KIF26B: variants seen among roughly 807,000 people sequenced by gnomAD.
The protein encoded by KIF26B is kinesin family member 26B.
KIF26B carries 63 observed loss-of-function variants against 151.2 expected under a neutral mutation model. The observed-to-expected ratio is 0.42, with a 90% CI of 0.34 to 0.51. KIF26B has a LOEUF of 0.51. KIF26B is among the 20% of genes least tolerant of loss of function. The pLI, the probability that KIF26B is intolerant of heterozygous loss-of-function variation, is 0.07. For missense variants in KIF26B, 2,813 were observed against 2,913.6 expected (o/e 0.97, Z 0.79); for synonymous variants, 1,357 against 1,262.1 (o/e 1.08, Z -1.59).
In KIF26B at chr1:245,367,333, C is replaced by A; in HGVS notation, c.965C>A (p.Ser322Ter). ...TACCTGGATGGCACCTGGTCCCTGTCGAGAACCAACGGGGTCACCCTGTAC... is the reference window on the plus strand; with the variant it reads ...TACCTGGATGGCACCTGGTCCCTGTAGAGAACCAACGGGGTCACCCTGTAC... ...HQYLDGTWSL[S>*]RTNGVTLYPY... Residue 322 changes from serine (S) to a stop codon, truncating the protein, a stop_gained, in exon 3 of 15, where the codon TCG becomes TAG. Coordinates refer to ENST00000407071, the MANE Select transcript of KIF26B (RefSeq NM_018012.4). LOFTEE classifies it high-confidence loss of function. The surrounding 1 kb of genome is among the most constrained non-coding windows in gnomAD (Gnocchi z 4.2). 6.3e-7 allele frequency: 1 copy of A among 1,594,100 alleles called. No homozygotes were observed. The highest frequency in any genetic ancestry group is 1.3e-5 in the African/African-American group (1 of 74,640).
rs571335218 is a variant in KIF26B at position 245,553,780 on chromosome 1, T to C, written c.1350+12830T>C. Reference sequence around the variant, plus strand: ...GGAGCTGATGGGCTGGTTAGTCCCATCCCAGATTATATGGAGGCACCCGGG... The same window carrying C: ...GGAGCTGATGGGCTGGTTAGTCCCACCCCAGATTATATGGAGGCACCCGGG... On this transcript the variant is annotated intron_variant, in intron 5 of 14. Coordinates refer to ENST00000407071, the MANE Select transcript of KIF26B (RefSeq NM_018012.4). Among the ~76,000 whole-genome samples the C allele has an allele frequency of 1.7e-4, 26 of 152,262 alleles. No individual in the cohort carries two copies. The South Asian group carries it at 5.4e-3, about 32-fold the overall frequency.
At chr1:245,662,182 A>AAT (rs201721242) in intron 10 of KIF26B, among the ~76,000 whole-genome samples, 2,070 of 150,340 alleles carry the variant, frequency 0.014, 60 homozygotes, top group African/African-American at 0.048. Context: ...ACACACACCC[A>AAT]ATATATATAT....
intron 2 of KIF26B, among the ~76,000 whole-genome samples, chr1:245,242,080 A>C (rs772783038): frequency 5.9e-5 from 9 of 152,214 alleles, no homozygotes; most frequent in Non-Finnish European, 1.2e-4. Context: ...AGCATCTCAA[A>C]GCTCACGTTA....
chr1:245,685,562 A>G lies in KIF26B; in HGVS notation c.2579A>G (p.Gln860Arg). ...SDPDYSSSSEQSCDTVIYIGP... is the reference protein window; with the variant it reads ...SDPDYSSSSERSCDTVIYIGP... ...CCCGACTACTCCTCCAGCAGCGAGC[A>G]GTCCTGCGACACCGTCATCTACATC... is the stretch of plus-strand genomic sequence containing the variant. Residue 860 changes from glutamine (Q) to arginine (R), a missense_variant, in exon 12 of 15, where the codon CAG becomes CGG. By Grantham distance (43) the Gln-to-Arg change is conservative. Coordinates refer to ENST00000407071, the MANE Select transcript of KIF26B (RefSeq NM_018012.4). The G allele has an allele frequency of 6.2e-7, 1 of 1,613,912 alleles. No individual in the cohort carries two copies.
intron 3 of KIF26B, among the ~76,000 whole-genome samples, chr1:245,402,391 C>T (rs889695287): frequency 9.2e-5 from 14 of 152,188 alleles, no homozygotes; most frequent in Admixed American, 3.9e-4. Context: ...ACAGAGCCCA[C>T]GCCTCTCATT....
intron 4 of KIF26B, among the ~76,000 whole-genome samples, chr1:245,485,367 T>G (rs1660256296): frequency 6.7e-6 from 1 of 150,122 alleles, no homozygotes; most frequent in African/African-American, 2.5e-5. Flanking sequence ...GTAAGTTTTA[T>G]GCTATATTCC....
In KIF26B at chr1:245,156,660, C is replaced by T. The variant is rs906561974; in HGVS notation, c.442C>T (p.Leu148Phe). ...CAAGAGGCAGGCCCTGAGGTTGCTC[C>T]TCCCGGGGCCCTTCCCGGGCAAGGT... is the stretch of plus-strand genomic sequence containing the variant. ...ELKRQALRLL[L>F]PGPFPGKDPA... The change falls in exon 2 of 15, where the codon CTC (leucine) becomes TTC (phenylalanine). Residue 148 changes from leucine (L) to phenylalanine (F), a missense_variant. Transcript: ENST00000407071. 9.3e-6 allele frequency: 14 copies of T among 1,503,826 alleles called. No individual in the cohort carries two copies. The highest frequency in any genetic ancestry group is 1.2e-5 in the Non-Finnish European group (14 of 1,133,672). 93.2% of individuals were successfully genotyped at this position (1,503,826 alleles called of 1,614,324 possible).
intron 5 of KIF26B, among the ~76,000 whole-genome samples, chr1:245,552,840 T>C (rs1266118155): frequency 6.6e-6 from 1 of 152,160 alleles, no homozygotes; most frequent in Non-Finnish European, 1.5e-5. Context: ...CCTCAAGTGA[T>C]CCACCTGCCT....
chr1:245,493,180 G>C (rs1271636213), intron 4 of KIF26B, among the ~76,000 whole-genome samples: 1 of 152,072 alleles, frequency 6.6e-6, no homozygotes, highest in Non-Finnish European at 1.5e-5. Flanking sequence ...GAAAAGCCAC[G>C]CCCCTATCCT....
chr1:245,624,546 G>A (rs1225553168), intron 9 of KIF26B, among the ~76,000 whole-genome samples: 3 of 152,082 alleles, frequency 2.0e-5, no homozygotes, highest in Non-Finnish European at 2.9e-5. Flanking sequence ...ACGCCCATTC[G>A]GCATCCATAC....
intron 4 of KIF26B, among the ~76,000 whole-genome samples, chr1:245,462,230 C>T (rs1659663367): frequency 6.6e-6 from 1 of 152,170 alleles, no homozygotes; most frequent in South Asian, 2.1e-4. Flanking sequence ...TTTTGCAAAA[C>T]TCCATGAGTT....
chr1:245,229,390 C>T (rs753409631), intron 2 of KIF26B, among the ~76,000 whole-genome samples: 18 of 152,164 alleles, frequency 1.2e-4, no homozygotes, highest in Non-Finnish European at 1.9e-4. Flanking sequence ...TATTCTCTGC[C>T]TGGAGTGATG....
intron 5 of KIF26B, among the ~76,000 whole-genome samples, chr1:245,578,135 G>C (rs1165955258): frequency 6.6e-6 from 1 of 152,246 alleles, no homozygotes; most frequent in Non-Finnish European, 1.5e-5. Flanking sequence ...CTCAACTTCT[G>C]TGATCTTCTA....
chr1:245,220,879 C>T (rs186895477), intron 2 of KIF26B, among the ~76,000 whole-genome samples: 14 of 152,162 alleles, frequency 9.2e-5, no homozygotes, highest in African/African-American at 1.4e-4. Context: ...GAATTTCACA[C>T]GGCTCCACTG....
At chr1:245,504,372 C>CTCCCTCCTTCCCTCCT (rs147799764) in intron 4 of KIF26B, among the ~76,000 whole-genome samples, 1 of 141,670 alleles carries the variant, frequency 7.1e-6, no homozygotes, top group Non-Finnish European at 1.5e-5. Context: ...CTCTTTCTCC[C>CTCCCTCCTTCCCTCCT]TCCCTCCTTC....
chr1:245,559,684 C>T (rs976423179), intron 5 of KIF26B, among the ~76,000 whole-genome samples: 1 of 151,952 alleles, frequency 6.6e-6, no homozygotes, highest in Non-Finnish European at 1.5e-5. Flanking sequence ...AGTGCTGGGA[C>T]TACAGGCGTG....
chr1:245,575,766 C>T (rs1005067743), intron 5 of KIF26B, among the ~76,000 whole-genome samples: 4 of 152,092 alleles, frequency 2.6e-5, no homozygotes, highest in Non-Finnish European at 5.9e-5. Flanking sequence ...AATGTCCATA[C>T]GAGGAAAGGA....
chr1:245,195,628 G>A (rs994452727), intron 2 of KIF26B, among the ~76,000 whole-genome samples: 14 of 152,158 alleles, frequency 9.2e-5, no homozygotes, highest in African/African-American at 3.1e-4. Flanking sequence ...CTGGGGCTCC[G>A]CTTCAGGGCC....
rs544962712 is a variant in KIF26B at position 245,562,063 on chromosome 1, G to A, written c.1350+21113G>A. Among the ~76,000 whole-genome samples the A allele has an allele frequency of 2.6e-5, 4 of 152,216 alleles. No individual in the cohort carries two copies. The South Asian group carries it at 8.3e-4, about 32-fold the overall frequency. ...GACCTGGGGGGCATCTTCAGTGTGT[G>A]CAGATCAGACTCAGCACTGATACTC... On this transcript the variant is annotated intron_variant, in intron 5 of 14. Transcript: ENST00000407071.
Sources: gnomAD v4.1 joint callset for allele counts (sites outside exome capture counted in the v4.1 genomes callset) on GRCh38, gnomAD v4.1.1 for gene constraint, Gnocchi (gnomAD v3.1) non-coding constraint, MANE v1.5 for transcripts, NCBI Gene and HGNC (gene_info 2026-07-23, HGNC 2026-07-21) for gene names.